The following DPP6 variants were observed in gnomAD, a reference collection of about 807,000 sequenced individuals.
The protein encoded by DPP6 is dipeptidyl peptidase like 6, also known as A-type potassium channel modulatory protein DPP6.
A neutral mutation model predicts 122.6 loss-of-function variants in DPP6; 69 were observed. That is an observed-to-expected ratio of 0.56 (90% confidence interval 0.46 to 0.69). DPP6 has a LOEUF of 0.69. DPP6 is among the 30% of genes least tolerant of loss of function. DPP6 has a pLI of 0.00. For synonymous variants in DPP6, 418 were observed against 433.1 expected (o/e 0.97, Z 0.43); for missense variants, 928 against 1,116.9 (o/e 0.83, Z 2.41).
chr7:154,720,537 C>T (rs1841744919), intron 7 of DPP6, among the ~76,000 whole-genome samples: 1 of 152,172 alleles, frequency 6.6e-6, no homozygotes, highest in East Asian at 1.9e-4. Flanking sequence ...TGGCAGAGAG[C>T]ACATGCCCCG....
chr7:154,455,279 T>C (rs1023607159), intron 2 of DPP6, among the ~76,000 whole-genome samples: 1 of 152,156 alleles, frequency 6.6e-6, no homozygotes, highest in African/African-American at 2.4e-5. Flanking sequence ...CATGGCTACC[T>C]TCACTGGAGG....
Position 154,103,401 on chromosome 7 carries a change from AG to A in DPP6, c.243+50342del, listed in dbSNP as rs201307837. ...AAGCAAGGGCCTCATTGAGTATAGG[AG>A]GGGAAATTATAAATGTCAAATTATA... On this transcript the variant is annotated intron_variant, in intron 1 of 25. Coordinates refer to ENST00000377770, the MANE Select transcript of DPP6 (RefSeq NM_130797.4). Among the ~76,000 whole-genome samples the A allele has an allele frequency of 7.2e-5, 11 of 152,252 alleles. 1 individual carries two copies. The highest frequency in any genetic ancestry group is 1.5e-4 in the Non-Finnish European group (10 of 68,010).
At chr7:154,619,037 C>G (rs1325590573) in intron 5 of DPP6, among the ~76,000 whole-genome samples, 1 of 152,164 alleles carries the variant, frequency 6.6e-6, no homozygotes. Context: ...CAGTTCCCCT[C>G]CACACATTCT....
chr7:153,848,238 C>A, the DPP6 span, among the ~76,000 whole-genome samples: 1 of 147,836 alleles, frequency 6.8e-6, no homozygotes, highest in African/African-American at 2.5e-5. Context: ...AACATGGTCG[C>A]CCCCCCACCA....
chr7:153,799,643 G>A, the DPP6 span, among the ~76,000 whole-genome samples: 1 of 152,146 alleles, frequency 6.6e-6, no homozygotes, highest in Non-Finnish European at 1.5e-5. Flanking sequence ...TCATCCATGT[G>A]TGTGTAGCAA....
At chr7:154,375,308 T>C (rs927348897) in intron 1 of DPP6, among the ~76,000 whole-genome samples, 7 of 151,190 alleles carry the variant, frequency 4.6e-5, no homozygotes, top group African/African-American at 1.7e-4. Flanking sequence ...GGGCAGGAGG[T>C]CGACCACAAT....
At chr7:154,609,405 C>T (rs1235674411) in intron 5 of DPP6, among the ~76,000 whole-genome samples, 1 of 152,200 alleles carries the variant, frequency 6.6e-6, no homozygotes, top group African/African-American at 2.4e-5. Context: ...AGCGAGTTCA[C>T]TAGGGGATTT....
the DPP6 span, among the ~76,000 whole-genome samples, chr7:153,812,891 A>G: frequency 6.6e-6 from 1 of 152,196 alleles, no homozygotes; most frequent in African/African-American, 2.4e-5. Flanking sequence ...TACTGAGACC[A>G]AAACAAAGAT....
intron 1 of DPP6, among the ~76,000 whole-genome samples, chr7:154,135,815 TCCTC>T (rs1795523893): frequency 6.6e-6 from 1 of 151,560 alleles, no homozygotes; most frequent in Non-Finnish European, 1.5e-5. Context: ...AGCCCATGCT[TCCTC>T]TCTGTGCACT....
At chr7:154,620,840 T>C (rs1834599389) in intron 5 of DPP6, among the ~76,000 whole-genome samples, 1 of 152,146 alleles carries the variant, frequency 6.6e-6, no homozygotes, top group African/African-American at 2.4e-5. Flanking sequence ...CTCCTCCCCA[T>C]CCACAGCGGC....
At chr7:154,609,340 C>T (rs1401013048) in intron 5 of DPP6, among the ~76,000 whole-genome samples, 2 of 152,224 alleles carry the variant, frequency 1.3e-5, no homozygotes, top group Admixed American at 6.5e-5. Context: ...GACTTTCTTA[C>T]ACATTTTCAG....
chr7:154,305,699 C>G (rs370899022), intron 1 of DPP6: 4 of 1,218,166 alleles, frequency 3.3e-6, no homozygotes, highest in Non-Finnish European at 4.5e-6. Flanking sequence ...TGACTGTAGC[C>G]CCCTGAGCCA....
intron 10 of DPP6, among the ~76,000 whole-genome samples, chr7:154,774,014 T>C (rs1796415886): frequency 6.6e-6 from 1 of 152,148 alleles, no homozygotes; most frequent in Non-Finnish European, 1.5e-5. Context: ...CTTTCTTCAG[T>C]GAAACTTATA....
intron 1 of DPP6, among the ~76,000 whole-genome samples, chr7:154,389,994 C>G (rs1326075483): frequency 6.6e-6 from 1 of 152,224 alleles, no homozygotes; most frequent in Non-Finnish European, 1.5e-5. Flanking sequence ...TTTGTTCTTA[C>G]TACCTGCCAG....
At chr7:154,030,377 G>A (rs184202670) in intron 1 of DPP6, among the ~76,000 whole-genome samples, 99 of 152,240 alleles carry the variant, frequency 6.5e-4, no homozygotes, top group Middle Eastern at 6.8e-3. Context: ...GGGGTGGTGA[G>A]GGCACCAGGT....
At chr7:154,629,441 C>T (rs1470136613) in intron 5 of DPP6, among the ~76,000 whole-genome samples, 4 of 151,658 alleles carry the variant, frequency 2.6e-5, no homozygotes, top group Non-Finnish European at 5.9e-5. Flanking sequence ...ATCTCACTTT[C>T]TTTTCTCTGT....
rs550123744 is a variant in DPP6, at chr7:154,626,118, A to G, written c.628-11703A>G. Among the ~76,000 whole-genome samples, 43 of 152,260 alleles carry G rather than the reference A, an allele frequency of 2.8e-4. No individual in the cohort carries two copies. The East Asian group carries it at 7.9e-3, about 28-fold the overall frequency. On this transcript the variant is annotated intron_variant, in intron 5 of 25. Coordinates refer to ENST00000377770, the MANE Select transcript of DPP6 (RefSeq NM_130797.4). ...ATGCTGGTGTGCATCCTGGAAAATT[A>G]GTTAGGAGGAAATTCTCATGGGTTT...
chr7:154,549,282 G>A (rs1829451997), intron 4 of DPP6, among the ~76,000 whole-genome samples: 1 of 152,152 alleles, frequency 6.6e-6, no homozygotes. Context: ...AAGTGAAGGG[G>A]ACTCCTCATA....
intron 5 of DPP6, among the ~76,000 whole-genome samples, chr7:154,571,621 T>G (rs558061049): frequency 6.6e-6 from 1 of 152,210 alleles, no homozygotes; most frequent in African/African-American, 2.4e-5. Context: ...GTTGAAATGA[T>G]TGTTCTTAGT....
Sources: gnomAD v4.1 joint callset for allele counts (sites outside exome capture counted in the v4.1 genomes callset) on GRCh38, gnomAD v4.1.1 for gene constraint, MANE v1.5 for transcripts, NCBI Gene and HGNC (gene_info 2026-07-23, HGNC 2026-07-21) for gene names.